THOC5: variants seen among roughly 807,000 people sequenced by gnomAD.
THOC5 encodes THO complex subunit 5.
Under a neutral mutation model 92.9 loss-of-function variants are expected in THOC5, and 43 were observed. The observed-to-expected ratio is 0.46, with a 90% CI of 0.36 to 0.60. The LOEUF (loss-of-function observed/expected upper bound fraction) is 0.60. Among genes scored for constraint, THOC5 ranks in the 20% least tolerant of loss-of-function variants. The probability of loss-of-function intolerance (pLI) is 0.00; values close to 1 mark genes in which losing one functional copy is unlikely to be tolerated. For missense variants in THOC5, 659 were observed against 849.4 expected (o/e 0.78, Z 2.79); for synonymous variants, 296 against 320.1 (o/e 0.92, Z 0.80).
At chr22:29,519,252 T>A (rs1332361645) in intron 14 of THOC5, 132 bp from the exon 15 acceptor site, 1 of 550,918 alleles carries the variant, frequency 1.8e-6, no homozygotes. Flanking sequence ...CCTTTAGACA[T>A]GGCAAGGTTT....
chr22:29,513,511 A>G (rs2063269203), intron 17 of THOC5, among the ~76,000 whole-genome samples: 1 of 152,032 alleles, frequency 6.6e-6, no homozygotes, highest in Non-Finnish European at 1.5e-5. Context: ...AACATAGTGA[A>G]ATCTCATCTC....
chr22:29,531,983 T>C lies in THOC5; in HGVS notation c.715-20A>G, dbSNP rs960726770. 3 of 1,612,062 alleles carry C rather than the reference T, an allele frequency of 1.9e-6. No individual in the cohort carries two copies. In the Admixed American group the frequency reaches 5.0e-5, roughly 27 times the overall value. On this transcript the variant is annotated intron_variant, in intron 7 of 19. Coordinates refer to ENST00000490103, the MANE Select transcript of THOC5 (RefSeq NM_003678.5). ...GGAAGCCTGCACACAAGAGACAGAT[T>C]TTTGTTCTTCCTTTTTTAGCCAGTC...
intron 12 of THOC5, among the ~76,000 whole-genome samples, chr22:29,525,123 A>C (rs1271624459): frequency 6.6e-6 from 1 of 152,064 alleles, no homozygotes; most frequent in African/African-American, 2.4e-5. Flanking sequence ...ATAAAAATAG[A>C]AAGTCAGCCA....
chr22:29,537,813 C>T (rs1452064998), intron 6 of THOC5, among the ~76,000 whole-genome samples: 1 of 151,888 alleles, frequency 6.6e-6, no homozygotes, highest in African/African-American at 2.4e-5. Context: ...ATTGGTTGAA[C>T]CAGGGAGGTG....
intron 2 of THOC5, chr22:29,544,953 ACTGTCCGTG>A: frequency 3.2e-6 from 1 of 315,192 alleles, no homozygotes; most frequent in South Asian, 2.5e-5. Context: ...ACGGGATCAT[ACTGTCCGTG>A]CTGTTAAGTG....
intron 17 of THOC5, among the ~76,000 whole-genome samples, chr22:29,516,010 C>T (rs1432353038): frequency 6.6e-6 from 1 of 151,968 alleles, no homozygotes; most frequent in East Asian, 1.9e-4. Flanking sequence ...AGCATGGTAG[C>T]ATACCTGTAG....
intron 18 of THOC5, among the ~76,000 whole-genome samples, chr22:29,511,817 T>C (rs1341034000): frequency 1.3e-5 from 2 of 152,222 alleles, no homozygotes; most frequent in Non-Finnish European, 1.5e-5. Flanking sequence ...TGGGGAAACC[T>C]GTGGACCCCA....
chr22:29,516,734 A>G (rs900341507), intron 17 of THOC5, among the ~76,000 whole-genome samples: 2 of 152,222 alleles, frequency 1.3e-5, no homozygotes, highest in Non-Finnish European at 2.9e-5. Context: ...TGAAGGAAGG[A>G]GCAAAGAGCT....
chr22:29,536,564 A>T (rs2063763851), intron 7 of THOC5, 60 bp downstream of exon 7: 1 of 1,019,694 alleles, frequency 9.8e-7, no homozygotes, highest in Non-Finnish European at 1.6e-6. Flanking sequence ...AAAGGGTGAC[A>T]TGACTTCTGG....
rs765405751 is a variant in THOC5 at position 29,506,161 on chromosome 22, C to T, written c.*2296G>A. On this transcript the variant is annotated 3_prime_UTR_variant, in exon 20 of 20. Transcript: ENST00000490103. ...GCGTAAGCCACTGTGCCCAGCCCAT[C>T]TTATTTTTTAAAATGAAGAATGGAG... 1 of 152,102 alleles carries T rather than the reference C, an allele frequency of 6.6e-6. No homozygotes were observed. Among genetic ancestry groups the T allele is most frequent in the Non-Finnish European group, 1.5e-5 (1 of 68,024 alleles). The allele number at this position is 152,102 out of a possible 1,614,324, so 9.4% of individuals were successfully genotyped here.
chr22:29,511,576 T>A (rs1215539752), intron 18 of THOC5: 2 of 479,606 alleles, frequency 4.2e-6, no homozygotes, highest in Non-Finnish European at 7.5e-6. Flanking sequence ...AAGACCTAAG[T>A]CAGAAGATGT....
At chr22:29,552,316 A>C (rs375415867) in intron 1 of THOC5, among the ~76,000 whole-genome samples, 29,522 of 130,278 alleles carry the variant, frequency 0.23, 3,156 homozygotes, top group East Asian at 0.44. Flanking sequence ...CTCTTCCCGG[A>C]CCCCATCCCG....
chr22:29,531,793 C>G (rs754309078), intron 8 of THOC5, 38 bp downstream of exon 8: 3 of 1,599,574 alleles, frequency 1.9e-6, no homozygotes, highest in African/African-American at 2.7e-5. Flanking sequence ...AGCTGCTGCT[C>G]CCATAGCCCC....
At chr22:29,513,367 A>AT (rs1207172873) in intron 17 of THOC5, among the ~76,000 whole-genome samples, 1 of 150,478 alleles carries the variant, frequency 6.6e-6, no homozygotes, top group East Asian at 2.0e-4. Context: ...AAAAAAAAAA[A>AT]AAAAAAGTTG....
chr22:29,523,887 G>T (rs372216391), intron 12 of THOC5, among the ~76,000 whole-genome samples: 1 of 152,322 alleles, frequency 6.6e-6, no homozygotes, highest in African/African-American at 2.4e-5. Context: ...TGTTTTAATA[G>T]ATAAATCAAT....
chr22:29,544,523 G>A lies in THOC5; in HGVS notation c.177C>T (p.Cys59=), dbSNP rs1388620971. Residue 59 remains cysteine (C), a synonymous_variant, in exon 3 of 20, where the codon TGC becomes TGT. Coordinates refer to ENST00000490103, the MANE Select transcript of THOC5 (RefSeq NM_003678.5). ...CAGCCATCAGCCTCTGTAGCTCCTGGCAGGTGTACTTGTATAACTCATAGT... is the reference window on the plus strand; with the variant it reads ...CAGCCATCAGCCTCTGTAGCTCCTGACAGGTGTACTTGTATAACTCATAGT... ...GRDYELYKYT[C]QELQRLMAEI... is the part of the protein sequence containing the mutation. The A allele has an allele frequency of 5.6e-6, 9 of 1,614,034 alleles. No individual in the cohort carries two copies. The highest frequency in any genetic ancestry group is 7.6e-6 in the Non-Finnish European group (9 of 1,179,996).
In THOC5 at chr22:29,507,013, TG is replaced by T. The variant is rs2063146485; in HGVS notation, c.*1443del. ...CCTTCTGAGTAACTGGGACTATTGG[TG>T]CATACCACCACACCTGGCTGATTTT... On this transcript the variant is annotated 3_prime_UTR_variant, in exon 20 of 20. Transcript: ENST00000490103. 3 of 152,126 alleles carry T rather than the reference TG, an allele frequency of 2.0e-5. No homozygotes were observed. The highest frequency in any genetic ancestry group is 7.2e-5 in the African/African-American group (3 of 41,422). The allele number at this position is 152,126 out of a possible 1,614,324, so 9.4% of individuals were successfully genotyped here. A position where few individuals can be genotyped will look rare whatever the true frequency, so the allele number is the denominator to read the frequency against.
chr22:29,541,506 CA>C (rs34069596), intron 5 of THOC5, among the ~76,000 whole-genome samples: 24,165 of 88,884 alleles, frequency 0.27, 1,478 homozygotes, highest in East Asian at 0.32. Context: ...GACCCTGTCT[CA>C]AAAAAAAAAA....
At chr22:29,526,650 G>A (rs184202274) in intron 11 of THOC5, among the ~76,000 whole-genome samples, 1 of 152,062 alleles carries the variant, frequency 6.6e-6, no homozygotes, top group East Asian at 1.9e-4. Context: ...GCCCTTGAGA[G>A]TGGGCTGGAC....
Sources: allele counts gnomAD v4.1 joint callset (sites outside exome capture counted in the v4.1 genomes callset), GRCh38; gene constraint gnomAD v4.1.1; transcripts MANE v1.5; gene names NCBI Gene and HGNC (gene_info 2026-07-23, HGNC 2026-07-21).